KCNMA1: variants seen among roughly 807,000 people sequenced by gnomAD.
KCNMA1 encodes potassium calcium-activated channel subfamily M alpha 1.
Under a neutral mutation model 140.0 loss-of-function variants are expected in KCNMA1, and 29 were observed. The ratio of observed to expected loss-of-function variants is 0.21; its 90% CI spans 0.15 to 0.28. The LOEUF (loss-of-function observed/expected upper bound fraction) is 0.28, where lower values mean the gene tolerates loss of function less well. KCNMA1 is among the 10% of genes least tolerant of loss of function. The pLI is 1.00. For synonymous variants in KCNMA1, 612 were observed against 611.9 expected, an observed-to-expected ratio of 1.00 and a Z score of 0.00; for missense variants, 880 against 1,602.2, an observed-to-expected ratio of 0.55 and a Z score of 7.70.
chr10:77,509,350 C>T (rs1237539954), intron 1 of KCNMA1, among the ~76,000 whole-genome samples: 1 of 152,138 alleles, frequency 6.6e-6, no homozygotes, highest in African/African-American at 2.4e-5. Flanking sequence ...AACTCGTGAC[C>T]TCAGTGATCT....
chr10:76,980,546 T>A (rs2079116960), intron 19 of KCNMA1: 1 of 152,142 alleles, frequency 6.6e-6, no homozygotes, highest in African/African-American at 2.4e-5. Flanking sequence ...TACACAGGAT[T>A]TCACATGTGG....
intron 2 of KCNMA1, among the ~76,000 whole-genome samples, chr10:77,316,917 T>C (rs572613993): frequency 6.6e-6 from 1 of 152,330 alleles, no homozygotes; most frequent in Admixed American, 6.5e-5. Context: ...ATATGCATTC[T>C]AGCTCTAGCC....
At chr10:77,038,056 T>A (rs2094447568) in intron 15 of KCNMA1, among the ~76,000 whole-genome samples, 1 of 152,192 alleles carries the variant, frequency 6.6e-6, no homozygotes, top group African/African-American at 2.4e-5. Flanking sequence ...CATTAAAACT[T>A]TCGCTTAGAG....
At chr10:77,491,885 G>A (rs1447609101) in intron 1 of KCNMA1, among the ~76,000 whole-genome samples, 2 of 152,182 alleles carry the variant, frequency 1.3e-5, no homozygotes, top group Non-Finnish European at 2.9e-5. Flanking sequence ...ACAGGCATTT[G>A]TGACATAAAC....
At chr10:77,523,361 A>AG (rs2054271239) in intron 1 of KCNMA1, among the ~76,000 whole-genome samples, 2 of 152,226 alleles carry the variant, frequency 1.3e-5, no homozygotes, top group Non-Finnish European at 2.9e-5. Context: ...AGTTGGTCCC[A>AG]TTGGTAAATA....
intron 1 of KCNMA1, among the ~76,000 whole-genome samples, chr10:77,529,123 C>A (rs575475367): frequency 6.6e-6 from 1 of 152,186 alleles, no homozygotes; most frequent in Non-Finnish European, 1.5e-5. Context: ...AAGGGCACAG[C>A]ACTCAGACTC....
intron 15 of KCNMA1, among the ~76,000 whole-genome samples, chr10:77,034,570 G>A (rs1197157984): frequency 6.6e-6 from 1 of 152,160 alleles, no homozygotes; most frequent in Non-Finnish European, 1.5e-5. Flanking sequence ...TTTAGGAGGG[G>A]AGCACTGAAT....
rs71028253 is a variant in KCNMA1, at chr10:77,134,997, CAAAAAAAAAAAAAAAAA to C, written c.809-13966_809-13950del. ...TGGGAGACAGAGCAAGACTCTGTCT[CAAAAAAAAAAAAAAAAA>C]AAAAAAAAAAAAAAGGAAGAAAGAA... On this transcript the variant is annotated intron_variant, in intron 5 of 27. Coordinates refer to ENST00000286628, the MANE Select transcript of KCNMA1 (RefSeq NM_001161352.2). 3.7e-3 allele frequency among the ~76,000 whole-genome samples: 43 copies of C among 11,772 alleles called. 1 individual carries two copies. The Admixed American group carries it at 0.039, about 11-fold the overall frequency. 7.7% of individuals were successfully genotyped at this position (11,772 alleles called of 152,430 possible).
At chr10:77,285,719 C>A (rs928636370) in intron 2 of KCNMA1, among the ~76,000 whole-genome samples, 5 of 152,112 alleles carry the variant, frequency 3.3e-5, no homozygotes, top group Non-Finnish European at 7.4e-5. Flanking sequence ...AGGTGCCAGG[C>A]TCTGGAGTCA....
At chr10:77,336,665 C>T (rs1452875538) in intron 2 of KCNMA1, among the ~76,000 whole-genome samples, 1 of 152,176 alleles carries the variant, frequency 6.6e-6, no homozygotes, top group Admixed American at 6.5e-5. Context: ...CATTTTTAAG[C>T]TCCACCAATT....
chr10:77,029,883 G>C (rs766094573), intron 15 of KCNMA1, among the ~76,000 whole-genome samples: 10 of 152,172 alleles, frequency 6.6e-5, no homozygotes, highest in African/African-American at 2.2e-4. Flanking sequence ...AGGAAATGAG[G>C]GGGGAGCAAG....
At chr10:77,211,899 C>A (rs185738277) in intron 3 of KCNMA1, among the ~76,000 whole-genome samples, 1 of 152,146 alleles carries the variant, frequency 6.6e-6, no homozygotes, top group Non-Finnish European at 1.5e-5. Flanking sequence ...CAATGAGATA[C>A]CGTCTCACAC....
At chr10:77,443,810 A>AAAATG (rs1566886503) in intron 1 of KCNMA1, among the ~76,000 whole-genome samples, 31 of 152,344 alleles carry the variant, frequency 2.0e-4, no homozygotes, top group Non-Finnish European at 4.0e-4. Context: ...AAATGAAAAT[A>AAAATG]AAAATATCTT....
chr10:77,001,872 G>A (rs1008061009), intron 18 of KCNMA1, among the ~76,000 whole-genome samples: 4 of 152,278 alleles, frequency 2.6e-5, no homozygotes, highest in Non-Finnish European at 2.9e-5. Context: ...GAATACACTC[G>A]GGTTCTCAAA....
chr10:76,974,730 T>C (rs1178825936), intron 19 of KCNMA1, among the ~76,000 whole-genome samples: 1 of 152,218 alleles, frequency 6.6e-6, no homozygotes, highest in African/African-American at 2.4e-5. Context: ...TCTTTTACCC[T>C]GATGACTTCC....
rs543740279 is a variant in KCNMA1 at position 76,886,432 on chromosome 10, A to G, written c.*834T>C. On this transcript the variant is annotated 3_prime_UTR_variant, in exon 28 of 28. Coordinates refer to ENST00000286628, the MANE Select transcript of KCNMA1 (RefSeq NM_001161352.2). ...CTTTTCATCCCAAATGTCAAAAGTG[A>G]AAGAAAAAAAATAGCTATTCATATG... 2 of 985,292 alleles carry G rather than the reference A, an allele frequency of 2.0e-6. No homozygotes were observed. Among genetic ancestry groups the G allele is most frequent in the African/African-American group, 3.5e-5 (2 of 57,360 alleles). 61.0% of individuals were successfully genotyped at this position (985,292 alleles called of 1,614,324 possible).
intron 2 of KCNMA1, among the ~76,000 whole-genome samples, chr10:77,375,521 T>A (rs1297568334): frequency 6.6e-6 from 1 of 152,188 alleles, no homozygotes. Flanking sequence ...GAGTCCTCCA[T>A]AATAGCATCC....
chr10:77,007,653 G>GTC, intron 18 of KCNMA1, among the ~76,000 whole-genome samples: 3 of 88,468 alleles, frequency 3.4e-5, no homozygotes, highest in Admixed American at 1.1e-4. Context: ...TTGTGTGTGT[G>GTC]TATATATATA....
chr10:77,261,774 T>C (rs1175074548), intron 2 of KCNMA1, among the ~76,000 whole-genome samples: 1 of 152,228 alleles, frequency 6.6e-6, no homozygotes, highest in Admixed American at 6.5e-5. Flanking sequence ...TGATAAAATC[T>C]TCCATTTGAG....
Sources: gnomAD v4.1 joint callset for allele counts (sites outside exome capture counted in the v4.1 genomes callset) on GRCh38, gnomAD v4.1.1 for gene constraint, MANE v1.5 for transcripts, NCBI Gene and HGNC (gene_info 2026-07-23, HGNC 2026-07-21) for gene names.